BEGAIN: variants seen among roughly 807,000 people sequenced by gnomAD.
BEGAIN encodes the protein brain-enriched guanylate kinase-associated protein.
Under a neutral mutation model 35.8 loss-of-function variants are expected in BEGAIN, and 19 were observed. The ratio of observed to expected loss-of-function variants is 0.53; its 90% CI spans 0.37 to 0.78. BEGAIN has a LOEUF of 0.78. Ranked by LOEUF, BEGAIN falls within the 30% of genes least tolerant of loss-of-function variation. BEGAIN has a pLI of 0.00. For missense variants in BEGAIN, 795 were observed against 853.6 expected, an observed-to-expected ratio of 0.93 and a Z score of 0.85; for synonymous variants, 462 against 388.6, an observed-to-expected ratio of 1.19 and a Z score of -2.22.
chr14:100,560,229 C>T (rs1397761925), intron 2 of BEGAIN, among the ~76,000 whole-genome samples: 1 of 152,226 alleles, frequency 6.6e-6, no homozygotes, highest in African/African-American at 2.4e-5. Context: ...CAGCCAGCCC[C>T]CAGATGCTCC....
rs939556187 is a variant in BEGAIN, at chr14:100,566,378, C to T, written c.71+1533G>A. On this transcript the variant is annotated intron_variant, in intron 2 of 6. Transcript: ENST00000554140. ...GTGCCTGGCACACAGGAATAGGTGC[C>T]GGAGAGCCTTGGCCGGGCACAGGGA... Among the ~76,000 whole-genome samples the T allele has an allele frequency of 6.6e-5, 10 of 152,228 alleles. No homozygotes were observed. In the East Asian group the frequency reaches 9.6e-4, roughly 15 times the overall value.
At chr14:100,539,757 C>A (rs763760213) in intron 6 of BEGAIN, among the ~76,000 whole-genome samples, 22 of 152,226 alleles carry the variant, frequency 1.4e-4, no homozygotes, top group Non-Finnish European at 2.9e-4. Context: ...CACTCCCCAG[C>A]CCCCCAGTCA....
At chr14:100,571,169 G>A (rs569864090) in intron 1 of BEGAIN, among the ~76,000 whole-genome samples, 12 of 152,244 alleles carry the variant, frequency 7.9e-5, no homozygotes, top group East Asian at 3.9e-4. Context: ...TCTCCCCACC[G>A]TCTGCCTTAA....
chr14:100,540,690 CG>C, intron 5 of BEGAIN, 111 bp from the exon 6 acceptor site: 1 of 757,026 alleles, frequency 1.3e-6, no homozygotes, highest in African/African-American at 1.7e-5. Context: ...GCCTGCTGTG[CG>C]CTCAGCAGGA....
At chr14:100,552,820 C>T (rs2033334899) in intron 2 of BEGAIN, among the ~76,000 whole-genome samples, 1 of 152,252 alleles carries the variant, frequency 6.6e-6, no homozygotes, top group Non-Finnish European at 1.5e-5. Flanking sequence ...GTTCCTGCTC[C>T]TACCAGCAGA....
intron 2 of BEGAIN, among the ~76,000 whole-genome samples, chr14:100,553,762 T>C (rs2033434399): frequency 6.6e-6 from 1 of 152,210 alleles, no homozygotes; most frequent in Non-Finnish European, 1.5e-5. Context: ...GGACTGCCTG[T>C]GCTGGACAAC....
intron 1 of BEGAIN, among the ~76,000 whole-genome samples, chr14:100,579,941 C>T (rs2035281105): frequency 6.6e-6 from 1 of 152,248 alleles, no homozygotes; most frequent in African/African-American, 2.4e-5. Flanking sequence ...ATCATCCCTT[C>T]CTGTGCCTCC....
At chr14:100,544,921 G>A in intron 4 of BEGAIN, 79 bp downstream of exon 4, 1 of 1,412,068 alleles carries the variant, frequency 7.1e-7, no homozygotes, top group Non-Finnish European at 9.9e-7. Context: ...CTCCTGAGTG[G>A]CCCAGGGGTG....
At chr14:100,570,124 A>C (rs570815605) in intron 1 of BEGAIN, among the ~76,000 whole-genome samples, 1 of 152,356 alleles carries the variant, frequency 6.6e-6, no homozygotes, top group Non-Finnish European at 1.5e-5. Flanking sequence ...TGCCAACCTC[A>C]ATCACTCACG....
chr14:100,538,362 G>A lies in BEGAIN; in HGVS notation c.1446C>T (p.Arg482=). Residue 482 remains arginine (R), a synonymous_variant, in exon 7 of 7, where the codon CGC becomes CGT. Transcript: ENST00000554140. ...GGSPGKKADG[R]ASPLYASYKA... ...TGTAGCTGGCGTAGAGCGGGCTGGC[G>A]CGGCCGTCGGCCTTCTTGCCCGGGC... The A allele has an allele frequency of 1.3e-6, 2 of 1,511,780 alleles. No individual in the cohort carries two copies. Among genetic ancestry groups the A allele is most frequent in the Non-Finnish European group, 1.8e-6 (2 of 1,137,104 alleles). 93.6% of individuals were successfully genotyped at this position (1,511,780 alleles called of 1,614,324 possible). A position where few individuals can be genotyped will look rare whatever the true frequency, so the allele number is the denominator to read the frequency against.
chr14:100,551,673 GA>G (rs2033212051), intron 2 of BEGAIN, among the ~76,000 whole-genome samples: 1 of 152,172 alleles, frequency 6.6e-6, no homozygotes, highest in Non-Finnish European at 1.5e-5. Context: ...AAAAATCAGA[GA>G]AAAAAATTGC....
In BEGAIN at chr14:100,567,969, G is replaced by A; in HGVS notation, c.43-30C>T. The A allele has an allele frequency of 3.5e-6, 5 of 1,425,910 alleles. No homozygotes were observed. Among genetic ancestry groups the A allele is most frequent in the Non-Finnish European group, 4.6e-6 (5 of 1,076,208 alleles). The allele number at this position is 1,425,910 out of a possible 1,614,324, so 88.3% of individuals were successfully genotyped here. A position where few individuals can be genotyped will look rare whatever the true frequency, so the allele number is the denominator to read the frequency against. On this transcript the variant is annotated intron_variant, in intron 1 of 6. Transcript: ENST00000554140. The surrounding 1 kb of genome is among the most constrained non-coding windows in gnomAD (Gnocchi z 5.1). ...GAGAAACCAAACGAGAGGGTCAGCAGGCAGGAGGCGTGCGCTCCGCGGCCG... is the reference window on the plus strand; with the variant it reads ...GAGAAACCAAACGAGAGGGTCAGCAAGCAGGAGGCGTGCGCTCCGCGGCCG...
intron 6 of BEGAIN, 82 bp downstream of exon 6, chr14:100,540,414 G>T: frequency 9.3e-7 from 1 of 1,076,378 alleles, no homozygotes; most frequent in Non-Finnish European, 1.4e-6. Flanking sequence ...TCAAAGATGG[G>T]AAATGGCTTT....
chr14:100,564,958 C>T (rs565445677), intron 2 of BEGAIN, among the ~76,000 whole-genome samples: 1 of 152,322 alleles, frequency 6.6e-6, no homozygotes, highest in East Asian at 1.9e-4. Context: ...TTGGAAACTC[C>T]TACCCATTCT....
At chr14:100,560,959 A>G (rs2034192182) in intron 2 of BEGAIN, among the ~76,000 whole-genome samples, 1 of 152,178 alleles carries the variant, frequency 6.6e-6, no homozygotes, top group African/African-American at 2.4e-5. Context: ...GGGACCTTTA[A>G]GAGACAGGCA....
intron 2 of BEGAIN, chr14:100,547,667 C>T (rs1277151642): frequency 2.0e-5 from 3 of 152,266 alleles, no homozygotes; most frequent in African/African-American, 7.2e-5. Context: ...TATCTGGGAC[C>T]AACATCTTTT....
At position 100,568,256 on chromosome 14, in the gene BEGAIN, G is replaced by T; in HGVS notation, c.43-317C>A. The stretch of plus-strand genomic sequence containing the variant: ...GGCGATCTCGGCCTCGCCCGGAGGA[G>T]GGGGACTCGGCCTGTCCCCGTTAAC... On this transcript the variant is annotated intron_variant, in intron 1 of 6. Coordinates refer to ENST00000554140, the MANE Select transcript of BEGAIN (RefSeq NM_001385089.1). This position sits in a 1 kb window ranked among gnomAD's most constrained non-coding sequence, Gnocchi z 7.5. 1 of 620,968 alleles carries T rather than the reference G, an allele frequency of 1.6e-6. No individual in the cohort carries two copies. The highest frequency in any genetic ancestry group is 2.3e-6 in the Non-Finnish European group (1 of 433,950). 38.5% of individuals were successfully genotyped at this position (620,968 alleles called of 1,614,324 possible). A position where few individuals can be genotyped will look rare whatever the true frequency, so the allele number is the denominator to read the frequency against.
intron 1 of BEGAIN, among the ~76,000 whole-genome samples, chr14:100,579,735 C>T (rs75328567): frequency 2.6e-5 from 4 of 152,326 alleles, no homozygotes; most frequent in East Asian, 1.9e-4. Context: ...AAACTCAGTG[C>T]GTGGCCTCAC....
At chr14:100,575,811 CT>C in intron 1 of BEGAIN, among the ~76,000 whole-genome samples, 1 of 152,198 alleles carries the variant, frequency 6.6e-6, no homozygotes, top group East Asian at 1.9e-4. Context: ...GCCTCGCCCC[CT>C]GAACACACTG....
Sources: allele counts gnomAD v4.1 joint callset (sites outside exome capture counted in the v4.1 genomes callset), GRCh38; gene constraint gnomAD v4.1.1; non-coding constraint Gnocchi (gnomAD v3.1); transcripts MANE v1.5; gene names NCBI Gene and HGNC (gene_info 2026-07-23, HGNC 2026-07-21).